The following TSPAN16 variants were observed in gnomAD, a reference collection of about 807,000 sequenced individuals.
TSPAN16 encodes tetraspanin-16.
Under a neutral mutation model 25.2 loss-of-function variants are expected in TSPAN16, and 23 were observed. The ratio of observed to expected loss-of-function variants is 0.91; its 90% CI spans 0.66 to 1.29. The LOEUF is 1.29. TSPAN16 is among the 50% of genes most tolerant of loss of function. TSPAN16 has a pLI of 0.00. For synonymous variants in TSPAN16, 123 were observed against 124.4 expected (o/e 0.99, Z 0.08); for missense variants, 272 against 299.9 (o/e 0.91, Z 0.69).
intron 3 of TSPAN16, chr19:11,300,791 G>A (rs780957075): frequency 6.2e-6 from 1 of 160,010 alleles, no homozygotes; most frequent in African/African-American, 2.4e-5. Flanking sequence ...TTTGCAAAAG[G>A]ATTTTTTAAA....
chr19:11,321,515 T>A (rs1453104129), intron 6 of TSPAN16, among the ~76,000 whole-genome samples: 1 of 152,120 alleles, frequency 6.6e-6, no homozygotes, highest in Non-Finnish European at 1.5e-5. Flanking sequence ...AGCCAAACCA[T>A]ATCAACTGTG....
At chr19:11,297,637 C>T (rs1368514332) in intron 1 of TSPAN16, among the ~76,000 whole-genome samples, 2 of 152,090 alleles carry the variant, frequency 1.3e-5, no homozygotes, top group Non-Finnish European at 2.9e-5. Flanking sequence ...GCTGGGATTA[C>T]AGGTGCCCAC....
intron 6 of TSPAN16, chr19:11,322,742 G>A (rs779073063): frequency 6.6e-6 from 1 of 152,208 alleles, no homozygotes; most frequent in East Asian, 1.9e-4. Context: ...GCTACTTGAA[G>A]TTGAATTCTT....
Position 11,326,829 on chromosome 19 carries a change from T to C in TSPAN16, c.723T>C (p.Leu241=), listed in dbSNP as rs1280295989. ...CTCGCTATGTTGCGCAGGCTGGTCT[T>C]GAACTGCTGGCCTAAAGCGATCCCC... The change falls in exon 7 of 7, where the codon CTT becomes CTC. Residue 241 remains leucine (L), a synonymous_variant. Coordinates refer to the TSPAN16 transcript ENST00000316737. 3.0e-6 allele frequency: 2 copies of C among 677,814 alleles called. 1 individual carries two copies. Among genetic ancestry groups the C allele is most frequent in the South Asian group, 3.1e-5 (2 of 63,932 alleles). The allele number at this position is 677,814 out of a possible 1,614,324, so 42.0% of individuals were successfully genotyped here.
rs1472701961 is a variant in TSPAN16, at chr19:11,305,358, C to T, written c.451-1246C>T. Among the ~76,000 whole-genome samples, 4 of 150,856 alleles carry T rather than the reference C, an allele frequency of 2.7e-5. No homozygotes were observed. The South Asian group carries it at 6.3e-4, about 24-fold the overall frequency. On this transcript the variant is annotated intron_variant, in intron 4 of 6. Coordinates refer to ENST00000590327, the MANE Select transcript of TSPAN16 (RefSeq NM_001282509.2). ...CAGCCTGGCCAACATAGCGAAACCC[C>T]GTCTCTACTAAAAATACAAAAATTA... is the stretch of plus-strand genomic sequence containing the variant.
rs141474617 is a variant in TSPAN16 at position 11,326,492 on chromosome 19, A to C, written c.688-302A>C. Reference sequence around the variant, plus strand: ...AGTATAGGTGGGAGGGTACATGAAGAGTTCTGCTGCCCTGCGGCCATGGCA... The same window carrying C: ...AGTATAGGTGGGAGGGTACATGAAGCGTTCTGCTGCCCTGCGGCCATGGCA... On this transcript the variant is annotated intron_variant, in intron 6 of 6. Coordinates refer to the TSPAN16 transcript ENST00000316737. 9.9e-3 allele frequency among the ~76,000 whole-genome samples: 1,513 copies of C among 152,318 alleles called. 14 individuals are homozygous for C. Among genetic ancestry groups the C allele is most frequent in the Non-Finnish European group, 0.017 (1,146 of 68,030 alleles).
At position 11,307,328 on chromosome 19, in the gene TSPAN16, C is replaced by A. The variant is rs1599338920; in HGVS notation, c.603+572C>A. On this transcript the variant is annotated intron_variant, in intron 5 of 6. Coordinates refer to ENST00000590327, the MANE Select transcript of TSPAN16 (RefSeq NM_001282509.2). ...AGAGATGGGGTTTCCTCATGTTGGC[C>A]AGGCTGGTCTCAAACTCCTGAGCTC... is the stretch of plus-strand genomic sequence containing the variant. Among the ~76,000 whole-genome samples, 3 of 150,430 alleles carry A rather than the reference C, an allele frequency of 2.0e-5. No homozygotes were observed. The East Asian group carries it at 5.9e-4, about 30-fold the overall frequency.
At chr19:11,299,420 C>T (rs1232887462) in intron 3 of TSPAN16, among the ~76,000 whole-genome samples, 1 of 152,152 alleles carries the variant, frequency 6.6e-6, no homozygotes, top group Non-Finnish European at 1.5e-5. Context: ...CCTCAGCCTG[C>T]CTCTCCAAGT....
At chr19:11,306,220 G>C (rs569768841) in intron 4 of TSPAN16, among the ~76,000 whole-genome samples, 3 of 152,040 alleles carry the variant, frequency 2.0e-5, no homozygotes, top group Non-Finnish European at 2.9e-5. Context: ...TTAGAGACAG[G>C]TCTTGCTCTG....
chr19:11,321,788 C>T (rs142441548), intron 6 of TSPAN16, among the ~76,000 whole-genome samples: 98 of 152,260 alleles, frequency 6.4e-4, no homozygotes, highest in African/African-American at 1.9e-3. Flanking sequence ...AGGAGGAATG[C>T]GCTGTGACTC....
chr19:11,306,845 C>T, intron 5 of TSPAN16, 89 bp downstream of exon 5: 1 of 1,321,412 alleles, frequency 7.6e-7, no homozygotes, highest in Non-Finnish European at 1.0e-6. Context: ...GAAAGAGTTT[C>T]ACCCTTGTCA....
chr19:11,326,899 C>G, exon 7 of TSPAN16: 1 of 546,350 alleles, frequency 1.8e-6, no homozygotes. Context: ...CGTGAGCCAC[C>G]ACGCTGGGCT....
At chr19:11,302,672 T>TACACACAC (rs1555703599) in intron 4 of TSPAN16, among the ~76,000 whole-genome samples, 6 of 124,016 alleles carry the variant, frequency 4.8e-5, no homozygotes, top group South Asian at 2.2e-4. Flanking sequence ...TATATATATA[T>TACACACAC]ATATATACAC....
chr19:11,319,955 C>G (rs2080767943), downstream of TSPAN16, among the ~76,000 whole-genome samples: 2 of 152,158 alleles, frequency 1.3e-5, no homozygotes, highest in African/African-American at 4.8e-5. Flanking sequence ...GCTGGGACTA[C>G]AGGCGCCCGC....
At chr19:11,299,776 A>G (rs915013420) in intron 3 of TSPAN16, among the ~76,000 whole-genome samples, 10 of 152,028 alleles carry the variant, frequency 6.6e-5, no homozygotes, top group Non-Finnish European at 1.3e-4. Flanking sequence ...GGAGTTCGAG[A>G]CCAGCCTGGC....
At chr19:11,316,634 A>G (rs187661510), downstream of TSPAN16, among the ~76,000 whole-genome samples, 19 of 152,178 alleles carry the variant, frequency 1.2e-4, no homozygotes, top group African/African-American at 4.1e-4. Context: ...ATGTTTTGAT[A>G]TATGCATACA....
At chr19:11,325,121 A>C (rs1599355032) in intron 6 of TSPAN16, 1 of 349,680 alleles carries the variant, frequency 2.9e-6, no homozygotes, top group Non-Finnish European at 5.4e-6. Flanking sequence ...CCCTCAACAC[A>C]CCCTGGAAAG....
chr19:11,302,710 C>CAT (rs1325928852), intron 4 of TSPAN16, among the ~76,000 whole-genome samples: 2 of 139,124 alleles, frequency 1.4e-5, no homozygotes, highest in African/African-American at 5.4e-5. Flanking sequence ...CACACACATA[C>CAT]ATATATATAT....
chr19:11,322,722 T>G (rs1051112062), intron 6 of TSPAN16: 2 of 152,218 alleles, frequency 1.3e-5, no homozygotes, highest in African/African-American at 2.4e-5. Flanking sequence ...CTGAGGCAGC[T>G]CTCTCGGCTG....
Sources: gnomAD v4.1 joint callset for allele counts (sites outside exome capture counted in the v4.1 genomes callset) on GRCh38, gnomAD v4.1.1 for gene constraint, MANE v1.5 for transcripts, NCBI Gene and HGNC (gene_info 2026-07-23, HGNC 2026-07-21) for gene names.